The following GLOD5 variants were observed in gnomAD, a reference collection of about 807,000 sequenced individuals.
GLOD5 encodes glyoxalase domain-containing protein 5.
In GLOD5, 7 loss-of-function variants were observed where a neutral mutation model predicts 9.9. That is an observed-to-expected ratio of 0.71 (90% confidence interval 0.40 to 1.33). GLOD5 has a LOEUF of 1.33. Ranked by LOEUF, GLOD5 falls within the 40% of genes most tolerant of loss-of-function variation. The pLI is 0.01. For missense variants in GLOD5, 146 were observed against 128.4 expected, an observed-to-expected ratio of 1.14 and a Z score of -0.66; for synonymous variants, 49 against 47.3, an observed-to-expected ratio of 1.04 and a Z score of -0.14.
At chrX:48,767,731 A>G (rs1441492702) in intron 2 of GLOD5, among the ~76,000 whole-genome samples, 1 of 111,513 alleles carries the variant, frequency 9.0e-6, no homozygotes, top group Non-Finnish European at 1.9e-5. Context: ...TTAATTAAAT[A>G]AAATAAATGG....
rs113237567 is a variant in GLOD5, at chrX:48,773,400, A to C, written c.448A>C (p.Asn150His). ...CATCTACTTCCGAGACCCCGACAGAAATCTGATTGAGGTGTCCAACTACAT... is the reference window on the plus strand; with the variant it reads ...CATCTACTTCCGAGACCCCGACAGACATCTGATTGAGGTGTCCAACTACAT... ...MSIYFRDPDR[N>H]LIEVSNYISS The change falls in exon 4 of 4, where the codon AAT becomes CAT. Residue 150 changes from asparagine (N) to histidine (H), a missense_variant. Coordinates refer to ENST00000303227, the MANE Select transcript of GLOD5 (RefSeq NM_001080489.3). The C allele has an allele frequency of 1.3e-4, 152 of 1,207,459 alleles. 1 individual carries two copies. In the African/African-American group the frequency reaches 2.1e-3, roughly 17 times the overall value.
intron 2 of GLOD5, among the ~76,000 whole-genome samples, chrX:48,769,444 C>T (rs1215731086): frequency 9.1e-6 from 1 of 109,293 alleles, no homozygotes; most frequent in East Asian, 2.9e-4. Flanking sequence ...TTGTTTGAGG[C>T]CAGGAGGTCA....
intron 2 of GLOD5, among the ~76,000 whole-genome samples, chrX:48,768,028 C>T (rs1390579453): frequency 2.7e-5 from 3 of 111,833 alleles, no homozygotes; most frequent in Non-Finnish European, 5.6e-5. Context: ...TATACTGGTG[C>T]GATCACAGTT....
At chrX:48,766,388 A>T (rs2062609088) in intron 2 of GLOD5, among the ~76,000 whole-genome samples, 1 of 112,026 alleles carries the variant, frequency 8.9e-6, no homozygotes, top group Admixed American at 9.5e-5. Context: ...AGATAAAAGG[A>T]CACCTTCAAG....
Position 48,773,432 on chromosome X carries a change from G to T in GLOD5, c.480G>T (p.Ser160=). The part of the protein sequence containing the change: ...NLIEVSNYIS[S] ...TTGAGGTGTCCAACTACATCTCCTC[G>T]TGATGGAGGCTGGACCTCCTCCATT... Residue 160 remains serine, a synonymous_variant, in exon 4 of 4, where the codon TCG becomes TCT. Coordinates refer to ENST00000303227, the MANE Select transcript of GLOD5 (RefSeq NM_001080489.3). 8.3e-7 allele frequency: 1 copy of T among 1,208,803 alleles called. No individual in the cohort carries two copies. The highest frequency in any genetic ancestry group is 1.1e-6 in the Non-Finnish European group (1 of 894,257).
At chrX:48,762,909 G>A (rs1557016164) in intron 1 of GLOD5, among the ~76,000 whole-genome samples, 1 of 111,917 alleles carries the variant, frequency 8.9e-6, no homozygotes, top group Non-Finnish European at 1.9e-5. Context: ...ATCCCTGCTC[G>A]TCCTTGAATT....
At position 48,773,586 on chromosome X, in the gene GLOD5, A is replaced by G. The variant is rs2062628772; in HGVS notation, c.*151A>G. ...AGGGGGGACCCAAGACAGGTTTGGG[A>G]CCAAACCTACATGTCTGTATGTCAT... is the stretch of plus-strand genomic sequence containing the variant. On this transcript the variant is annotated 3_prime_UTR_variant, in exon 4 of 4. Transcript: ENST00000303227. The G allele has an allele frequency of 1.8e-6, 1 of 545,038 alleles. No individual in the cohort carries two copies. 44.9% of individuals were successfully genotyped at this position (545,038 alleles called of 1,213,427 possible). A position where few individuals can be genotyped will look rare whatever the true frequency, so the allele number is the denominator to read the frequency against.
At chrX:48,765,568 A>G (rs1433430559) in intron 1 of GLOD5, 6 of 308,562 alleles carry the variant, frequency 1.9e-5, no homozygotes, top group Non-Finnish European at 3.5e-5. Context: ...ACAGAGTGAG[A>G]CTCTGTCTCA....
chrX:48,772,018 T>C (rs1432759123), intron 3 of GLOD5, among the ~76,000 whole-genome samples: 1 of 110,487 alleles, frequency 9.1e-6, no homozygotes, highest in African/African-American at 3.3e-5. Flanking sequence ...GGCAGGATCA[T>C]TTGGGCCAGG....
At chrX:48,773,143 C>T (rs1165513036) in intron 3 of GLOD5, among the ~76,000 whole-genome samples, 167 bp from the exon 4 acceptor site, 1 of 108,396 alleles carries the variant, frequency 9.2e-6, no homozygotes, top group African/African-American at 3.4e-5. Flanking sequence ...GGGAGAATTG[C>T]TTGAGCCTAG....
intron 3 of GLOD5, 92 bp from the exon 4 acceptor site, chrX:48,773,218 A>C: frequency 9.7e-7 from 1 of 1,032,221 alleles, no homozygotes; most frequent in Non-Finnish European, 1.3e-6. Flanking sequence ...TGACGGAGCG[A>C]GACTCTGTCA....
chrX:48,771,443 G>A (rs1327660441), intron 3 of GLOD5, among the ~76,000 whole-genome samples: 3 of 108,673 alleles, frequency 2.8e-5, no homozygotes, highest in African/African-American at 1.0e-4. Context: ...AGCCTCCCAA[G>A]TTGCTGGTAC....
intron 2 of GLOD5, among the ~76,000 whole-genome samples, chrX:48,769,928 G>A (rs782427161): frequency 2.4e-4 from 25 of 102,865 alleles, no homozygotes; most frequent in Admixed American, 8.6e-4. Context: ...GCAGTGAGCC[G>A]TGATCACTGC....
Position 48,769,341 on chromosome X carries a change from CAA to C in GLOD5, c.202-1571_202-1570del, listed in dbSNP as rs782793826. ...CAACATACTGAGACTACTGTCTCTA[CAA>C]AAAAAAAAAAAAAAGTTTTATAATT... On this transcript the variant is annotated intron_variant, in intron 2 of 3. Transcript: ENST00000303227. 1.8e-4 allele frequency among the ~76,000 whole-genome samples: 7 copies of C among 39,969 alleles called. 1 individual carries two copies. The highest frequency in any genetic ancestry group is 2.5e-4 in the Non-Finnish European group (5 of 19,963). The allele number at this position is 39,969 out of a possible 115,157, so 34.7% of individuals were successfully genotyped here.
At position 48,771,098 on chromosome X, in the gene GLOD5, CTTCTT is replaced by C. The variant is rs781918088; in HGVS notation, c.357+19_357+23del. 1 of 1,139,888 alleles carries C rather than the reference CTTCTT, an allele frequency of 8.8e-7. No homozygotes were observed. Among genetic ancestry groups the C allele is most frequent in the Admixed American group, 3.0e-5 (1 of 33,510 alleles). The allele number at this position is 1,139,888 out of a possible 1,213,427, so 93.9% of individuals were successfully genotyped here. ...GCACCTCAAGGTGAGTGGGACTTCT[CTTCTT>C]TTTGCAAAAGCTGCTGCAAACGCAG... is the stretch of plus-strand genomic sequence containing the variant. On this transcript the variant is annotated intron_variant, in intron 3 of 3. Transcript: ENST00000303227.
At chrX:48,766,230 T>C in intron 2 of GLOD5, 1 of 295,865 alleles carries the variant, frequency 3.4e-6, no homozygotes, top group East Asian at 7.1e-5. Context: ...GTATCCAGCA[T>C]GTTGACACTT....
Position 48,761,830 on chromosome X carries a change from T to C in GLOD5, c.40T>C (p.Trp14Arg). The change falls in exon 1 of 4, where the codon TGG (tryptophan) becomes CGG (arginine). Residue 14 changes from tryptophan to arginine, a missense_variant. Trp to Arg is a moderately radical substitution (Grantham distance 101). Coordinates refer to ENST00000303227, the MANE Select transcript of GLOD5 (RefSeq NM_001080489.3). ...HLPSRLPVKM[W>R]GRTLEKQSWR... ...GCCCTCCAGGCTGCCAGTCAAGATG[T>C]GGGGCAGGACTTTGGAGAAACAGGT... 2 of 1,166,443 alleles carry C rather than the reference T, an allele frequency of 1.7e-6. No individual in the cohort carries two copies. The highest frequency in any genetic ancestry group is 2.3e-6 in the Non-Finnish European group (2 of 872,039).
intron 1 of GLOD5, 114 bp from the exon 2 acceptor site, chrX:48,765,721 G>A: frequency 1.2e-6 from 1 of 842,093 alleles, no homozygotes; most frequent in Non-Finnish European, 1.8e-6. Context: ...TCCCCTTGAA[G>A]GGGGGTGAGG....
intron 3 of GLOD5, among the ~76,000 whole-genome samples, chrX:48,772,961 C>T (rs782247307): frequency 2.7e-5 from 3 of 110,654 alleles, no homozygotes; most frequent in East Asian, 2.9e-4. Context: ...ACAGGCCAGG[C>T]GCAGTGGTTC....
Sources: allele counts gnomAD v4.1 joint callset (sites outside exome capture counted in the v4.1 genomes callset), GRCh38; gene constraint gnomAD v4.1.1; transcripts MANE v1.5; gene names NCBI Gene and HGNC (gene_info 2026-07-23, HGNC 2026-07-21).